Variants in NTRK2 observed in about 807,000 individuals in gnomAD.
NTRK2 encodes BDNF/NT-3 growth factors receptor.
Under a neutral mutation model 94.5 loss-of-function variants are expected in NTRK2, and 13 were observed. The ratio of observed to expected loss-of-function variants is 0.14; its 90% confidence interval spans 0.09 to 0.22. The LOEUF (loss-of-function observed/expected upper bound fraction) is 0.22, where lower values mean the gene tolerates loss of function less well. Among genes scored for constraint, NTRK2 ranks in the 10% least tolerant of loss-of-function variants. The pLI is 1.00. For missense variants in NTRK2, 639 were observed against 1,071.2 expected, an observed-to-expected ratio of 0.60 and a Z score of 5.63; for synonymous variants, 372 against 407.4, an observed-to-expected ratio of 0.91 and a Z score of 1.05.
At chr9:84,690,861 A>G (rs2060011668) in intron 2 of NTRK2, among the ~76,000 whole-genome samples, 1 of 152,236 alleles carries the variant, frequency 6.6e-6, no homozygotes. Context: ...CAACTAGTAT[A>G]GAGTAATTCT....
At chr9:84,939,462 A>G (rs1438629197) in intron 15 of NTRK2, among the ~76,000 whole-genome samples, 1 of 152,216 alleles carries the variant, frequency 6.6e-6, no homozygotes, top group South Asian at 2.1e-4. Flanking sequence ...CTGGTGAACC[A>G]GATTGAGGAA....
intron 12 of NTRK2, among the ~76,000 whole-genome samples, chr9:84,807,978 C>G (rs2071316044): frequency 6.6e-6 from 1 of 152,160 alleles, no homozygotes; most frequent in Non-Finnish European, 1.5e-5. Flanking sequence ...ACAATTGCAA[C>G]AGGCTGGCTT....
intron 12 of NTRK2, among the ~76,000 whole-genome samples, chr9:84,844,111 T>C (rs1354701918): frequency 3.9e-5 from 6 of 152,160 alleles, no homozygotes; most frequent in Non-Finnish European, 8.8e-5. Context: ...AAGCCATTGA[T>C]CCATTCTAAG....
At chr9:84,743,767 C>T (rs1280748825) in intron 10 of NTRK2, among the ~76,000 whole-genome samples, 9 of 152,052 alleles carry the variant, frequency 5.9e-5, no homozygotes, top group Non-Finnish European at 1.2e-4. Context: ...ATTTTGCAGA[C>T]GTAGTTGGCT....
intron 17 of NTRK2, among the ~76,000 whole-genome samples, chr9:85,017,951 G>C (rs938575175): frequency 1.6e-4 from 24 of 152,176 alleles, no homozygotes; most frequent in African/African-American, 5.5e-4. Context: ...TAAAATGAGA[G>C]AGGTAAGGTT....
chr9:84,757,592 C>T (rs1001038412), intron 12 of NTRK2, among the ~76,000 whole-genome samples: 1 of 152,178 alleles, frequency 6.6e-6, no homozygotes, highest in African/African-American at 2.4e-5. Context: ...TCTCTTGCCT[C>T]GGTATTTCCG....
Position 84,670,604 on chromosome 9 carries a change from C to G in NTRK2, c.-145C>G. 1 of 814,542 alleles carries G rather than the reference C, an allele frequency of 1.2e-6. No homozygotes were observed. The highest frequency in any genetic ancestry group is 2.1e-6 in the Non-Finnish European group (1 of 484,880). The allele number at this position is 814,542 out of a possible 1,614,324, so 50.5% of individuals were successfully genotyped here. A position where few individuals can be genotyped will look rare whatever the true frequency, so the allele number is the denominator to read the frequency against. On this transcript the variant is annotated 5_prime_UTR_variant, in exon 2 of 19. Transcript: ENST00000277120. Reference sequence around the variant, plus strand: ...TCTTCGCTCCGGACCAGCTCAGCCTCTGATAAGCTGGACTCGGCACGCCCG... The same window carrying G: ...TCTTCGCTCCGGACCAGCTCAGCCTGTGATAAGCTGGACTCGGCACGCCCG...
intron 14 of NTRK2, among the ~76,000 whole-genome samples, chr9:84,893,749 T>G (rs1485022905): frequency 6.6e-6 from 1 of 152,184 alleles, no homozygotes; most frequent in Admixed American, 6.5e-5. Context: ...GAGAATGGTG[T>G]GTATCGCTGG....
At chr9:84,783,674 G>C (rs1003962868) in intron 12 of NTRK2, among the ~76,000 whole-genome samples, 5 of 152,140 alleles carry the variant, frequency 3.3e-5, no homozygotes, top group African/African-American at 1.2e-4. Flanking sequence ...GGAGAAGAGA[G>C]AGGGATGGAT....
At chr9:84,674,354 T>C (rs1288686692) in intron 2 of NTRK2, among the ~76,000 whole-genome samples, 1 of 152,236 alleles carries the variant, frequency 6.6e-6, no homozygotes, top group Non-Finnish European at 1.5e-5. Context: ...GCTTCTCCTA[T>C]GACAGACTCT....
chr9:84,757,519 C>A (rs914307672), intron 12 of NTRK2, among the ~76,000 whole-genome samples: 7 of 152,184 alleles, frequency 4.6e-5, no homozygotes, highest in Non-Finnish European at 8.8e-5. Flanking sequence ...TATCAGGCTA[C>A]TTGGATCTGA....
At chr9:84,750,355 C>T (rs986941604) in intron 11 of NTRK2, among the ~76,000 whole-genome samples, 9 of 152,162 alleles carry the variant, frequency 5.9e-5, no homozygotes, top group Non-Finnish European at 1.0e-4. Flanking sequence ...CTGAACTAGT[C>T]ACATGAACCA....
intron 4 of NTRK2, among the ~76,000 whole-genome samples, chr9:84,705,209 C>T (rs972485226): frequency 1.3e-5 from 2 of 152,056 alleles, no homozygotes; most frequent in Admixed American, 6.6e-5. Flanking sequence ...TCCCCCTACC[C>T]TGTCCATGTG....
At chr9:84,811,010 A>G (rs918473168) in intron 12 of NTRK2, 4 of 1,114,718 alleles carry the variant, frequency 3.6e-6, no homozygotes, top group Non-Finnish European at 4.4e-6. Flanking sequence ...GAGAACAGGT[A>G]TAAGTGCACA....
At chr9:84,694,819 TGATA>T (rs1250808505) in intron 2 of NTRK2, among the ~76,000 whole-genome samples, 15 of 152,178 alleles carry the variant, frequency 9.9e-5, no homozygotes. Context: ...TATCTAGAGA[TGATA>T]GATAGATTGA....
chr9:84,872,842 G>T, intron 14 of NTRK2: 3 of 1,064,942 alleles, frequency 2.8e-6, no homozygotes, highest in Non-Finnish European at 1.1e-6. Flanking sequence ...AAGGGAGGGA[G>T]TATTTTAACA....
chr9:84,693,570 C>T (rs1210529930), intron 2 of NTRK2, among the ~76,000 whole-genome samples: 1 of 152,162 alleles, frequency 6.6e-6, no homozygotes, highest in African/African-American at 2.4e-5. Flanking sequence ...GCACTAGAGG[C>T]TGGGTGACAT....
chr9:84,706,139 A>C (rs147409656), intron 4 of NTRK2, among the ~76,000 whole-genome samples: 1 of 152,154 alleles, frequency 6.6e-6, no homozygotes, highest in African/African-American at 2.4e-5. Context: ...ATGTGGGCAC[A>C]TTTTACAACT....
chr9:84,825,194 C>A (rs2073108092), intron 12 of NTRK2, among the ~76,000 whole-genome samples: 1 of 151,940 alleles, frequency 6.6e-6, no homozygotes, highest in African/African-American at 2.4e-5. Flanking sequence ...ATTTTGTGTA[C>A]CCCCACCCTG....
Sources: allele counts gnomAD v4.1 joint callset (sites outside exome capture counted in the v4.1 genomes callset), GRCh38; gene constraint gnomAD v4.1.1; transcripts MANE v1.5; gene names NCBI Gene and HGNC (gene_info 2026-07-23, HGNC 2026-07-21).